SOX6: variants seen among roughly 807,000 people sequenced by gnomAD.
SOX6 encodes SRY-box transcription factor 6.
A neutral mutation model predicts 97.8 loss-of-function variants in SOX6; 11 were observed. That is an observed-to-expected ratio of 0.11 (90% CI 0.07 to 0.19). The LOEUF is 0.19. SOX6 is among the 10% of genes least tolerant of loss of function. The probability of loss-of-function intolerance (pLI) is 1.00; values close to 1 mark genes in which losing one functional copy is unlikely to be tolerated. For missense variants in SOX6, 810 were observed against 1,039.5 expected (o/e 0.78, Z 3.04); for synonymous variants, 360 against 371.4 (o/e 0.97, Z 0.35).
chr11:16,388,177 T>G (rs1858050476), intron 1 of SOX6, among the ~76,000 whole-genome samples: 3 of 152,160 alleles, frequency 2.0e-5, no homozygotes, highest in African/African-American at 4.8e-5. Flanking sequence ...TTTTTCTGCA[T>G]CTATTGAAAT....
upstream of SOX6, among the ~76,000 whole-genome samples, chr11:16,478,188 C>T (rs915511033): frequency 4.6e-5 from 7 of 152,074 alleles, no homozygotes; most frequent in Non-Finnish European, 7.4e-5. Context: ...TAGAAGAATC[C>T]GAAAGAGTTT....
intron 15 of SOX6, 134 bp from the exon 16 acceptor site, chr11:15,973,246 A>G: frequency 1.1e-6 from 1 of 875,772 alleles, no homozygotes; most frequent in East Asian, 2.6e-5. Flanking sequence ...CTAAGCAAAT[A>G]AAATGTGACA....
At chr11:16,655,062 A>G (rs542806596) in intron 3 of SOX6, among the ~76,000 whole-genome samples, 1 of 152,298 alleles carries the variant, frequency 6.6e-6, no homozygotes, top group African/African-American at 2.4e-5. Flanking sequence ...GAAGGAAAGG[A>G]ATTTTCTATA....
At chr11:16,294,582 G>A (rs1855014332) in intron 3 of SOX6, among the ~76,000 whole-genome samples, 1 of 151,986 alleles carries the variant, frequency 6.6e-6, no homozygotes, top group African/African-American at 2.4e-5. Flanking sequence ...AAAAATCTAT[G>A]TATAGTCCAA....
chr11:16,609,028 T>C (rs778348370), intron 4 of SOX6, among the ~76,000 whole-genome samples: 30 of 152,078 alleles, frequency 2.0e-4, no homozygotes, highest in Admixed American at 7.2e-4. Context: ...CTTTGAGTCA[T>C]GTGTAGGGTA....
chr11:16,006,329 G>A (rs1042049228), intron 13 of SOX6, among the ~76,000 whole-genome samples: 1 of 152,016 alleles, frequency 6.6e-6, no homozygotes, highest in South Asian at 2.1e-4. Flanking sequence ...TTTATTTGGT[G>A]GTAAAGTCCA....
At chr11:16,390,143 TG>T (rs1438403218) in intron 1 of SOX6, among the ~76,000 whole-genome samples, 2 of 151,338 alleles carry the variant, frequency 1.3e-5, no homozygotes, top group Non-Finnish European at 2.9e-5. Context: ...GTCAGAGATT[TG>T]TAATATAGAA....
intron 3 of SOX6, among the ~76,000 whole-genome samples, chr11:16,644,615 C>T (rs1323549835): frequency 1.3e-5 from 2 of 151,978 alleles, no homozygotes; most frequent in African/African-American, 2.4e-5. Context: ...ATTATTGACT[C>T]ATAAGTTAAT....
intron 1 of SOX6, among the ~76,000 whole-genome samples, chr11:16,415,521 T>G (rs181995410): frequency 1.3e-5 from 2 of 152,204 alleles, no homozygotes; most frequent in African/African-American, 4.8e-5. Context: ...TAGTTAACAA[T>G]TTACTGAGTA....
chr11:16,533,508 T>G (rs989549621), intron 4 of SOX6, among the ~76,000 whole-genome samples: 36 of 152,142 alleles, frequency 2.4e-4, no homozygotes, highest in Non-Finnish European at 4.4e-4. Context: ...TTCTTGTCAT[T>G]CCTTTGCAGA....
At chr11:16,683,740 C>T (rs1847946555) in intron 3 of SOX6, among the ~76,000 whole-genome samples, 1 of 152,132 alleles carries the variant, frequency 6.6e-6, no homozygotes, top group South Asian at 2.1e-4. Context: ...CAAATGGGAT[C>T]TAATTAAACT....
chr11:15,974,565 A>G (rs1362607971), intron 15 of SOX6, among the ~76,000 whole-genome samples: 1 of 103,572 alleles, frequency 9.7e-6, no homozygotes, highest in Admixed American at 1.1e-4. Context: ...CACAGTCCCC[A>G]GAGTGTGATA....
chr11:16,666,201 T>A (rs1351031053), intron 3 of SOX6, among the ~76,000 whole-genome samples: 2 of 152,110 alleles, frequency 1.3e-5, no homozygotes, highest in Non-Finnish European at 2.9e-5. Flanking sequence ...ATCAAAAACA[T>A]GACTTCACCA....
At chr11:16,558,951 A>C (rs1047151797) in intron 4 of SOX6, among the ~76,000 whole-genome samples, 2 of 152,078 alleles carry the variant, frequency 1.3e-5, no homozygotes, top group Non-Finnish European at 2.9e-5. Context: ...TAGTAAACTG[A>C]ACAATGCAGA....
chr11:16,130,519 C>G (rs1160331516), intron 6 of SOX6, among the ~76,000 whole-genome samples: 1 of 151,694 alleles, frequency 6.6e-6, no homozygotes, highest in African/African-American at 2.4e-5. Context: ...TAAATGGAGA[C>G]ATACAACATT....
chr11:16,498,120 T>C (rs1488360649), intron 4 of SOX6, among the ~76,000 whole-genome samples: 2 of 152,214 alleles, frequency 1.3e-5, no homozygotes, highest in South Asian at 2.1e-4. Flanking sequence ...GCTGATCTCT[T>C]GGCAGAAACT....
At chr11:16,398,226 A>G (rs1319322528) in intron 1 of SOX6, among the ~76,000 whole-genome samples, 3 of 151,594 alleles carry the variant, frequency 2.0e-5, no homozygotes, top group African/African-American at 7.3e-5. Flanking sequence ...GAAGGACTCC[A>G]ACGCAATCCC....
chr11:16,022,375 C>CT (rs1442035938), intron 12 of SOX6, among the ~76,000 whole-genome samples: 45 of 148,696 alleles, frequency 3.0e-4, no homozygotes, highest in African/African-American at 8.0e-4. Flanking sequence ...TCCTTCCTTC[C>CT]TCCCTCCCTC....
intron 9 of SOX6, among the ~76,000 whole-genome samples, chr11:16,093,871 G>C (rs897289777): frequency 6.6e-6 from 1 of 151,884 alleles, no homozygotes. Context: ...TAGCACCTTA[G>C]ATATGGGTGT....
Sources: allele counts gnomAD v4.1 joint callset (sites outside exome capture counted in the v4.1 genomes callset), GRCh38; gene constraint gnomAD v4.1.1; transcripts MANE v1.5; gene names NCBI Gene and HGNC (gene_info 2026-07-23, HGNC 2026-07-21).